The following C20orf96 variants were observed in gnomAD, a reference collection of about 807,000 sequenced individuals.
C20orf96 encodes uncharacterized protein C20orf96.
A neutral mutation model predicts 52.6 loss-of-function variants in C20orf96; 57 were observed. The ratio of observed to expected loss-of-function variants is 1.08; its 90% CI spans 0.88 to 1.35. The LOEUF (loss-of-function observed/expected upper bound fraction) is 1.35, where lower values mean the gene tolerates loss of function less well. Ranked by LOEUF, C20orf96 falls within the 40% of genes most tolerant of loss-of-function variation. The probability of loss-of-function intolerance (pLI) is 0.00; values close to 1 mark genes in which losing one functional copy is unlikely to be tolerated. For missense variants in C20orf96, 478 were observed against 443.6 expected, an observed-to-expected ratio of 1.08 and a Z score of -0.70; for synonymous variants, 168 against 157.2, an observed-to-expected ratio of 1.07 and a Z score of -0.51.
chr20:282,733 G>A (rs1241968011), intron 4 of C20orf96, among the ~76,000 whole-genome samples: 2 of 152,120 alleles, frequency 1.3e-5, no homozygotes, highest in African/African-American at 4.8e-5. Context: ...TTAGCTGGGC[G>A]TGGTGGTGGG....
Position 271,190 on chromosome 20 carries a change from G to A in C20orf96, c.*17C>T. On this transcript the variant is annotated 3_prime_UTR_variant, in exon 11 of 11. Coordinates refer to ENST00000360321, the MANE Select transcript of C20orf96 (RefSeq NM_153269.3). ...GGGAAGAGAGCAGGAGGGGAGGGCG[G>A]CCCATGGCACTGCCATCTAGAAGGG... The A allele has an allele frequency of 6.4e-7, 1 of 1,550,928 alleles. No homozygotes were observed. The highest frequency in any genetic ancestry group is 8.7e-7 in the Non-Finnish European group (1 of 1,145,990).
In C20orf96 at chr20:271,000, A is replaced by C; in HGVS notation, c.*207T>G. ...ACAGGAAGAAAGAAAGGAGGGAGGG[A>C]GGGAGAGGAGGAAGGAAGGAGGAGG... On this transcript the variant is annotated 3_prime_UTR_variant, in exon 11 of 11. Coordinates refer to ENST00000360321, the MANE Select transcript of C20orf96 (RefSeq NM_153269.3). 2.0e-6 allele frequency: 1 copy of C among 492,632 alleles called. No homozygotes were observed. The highest frequency in any genetic ancestry group is 2.4e-5 in the South Asian group (1 of 41,970). 30.5% of individuals were successfully genotyped at this position (492,632 alleles called of 1,614,324 possible).
Position 270,868 on chromosome 20 carries a change from T to G in C20orf96, c.*339A>C. 1 of 271,404 alleles carries G rather than the reference T, an allele frequency of 3.7e-6. No individual in the cohort carries two copies. The allele number at this position is 271,404 out of a possible 1,614,324, so 16.8% of individuals were successfully genotyped here. On this transcript the variant is annotated 3_prime_UTR_variant, in exon 11 of 11. Transcript: ENST00000360321. Reference sequence around the variant, plus strand: ...CCCGAGACACTGGCAAAAAAGCAAATGTAAATCCAGCTTTATTGGTAAAAA... The same window carrying G: ...CCCGAGACACTGGCAAAAAAGCAAAGGTAAATCCAGCTTTATTGGTAAAAA...
At chr20:274,905 C>T (rs1256041542) in intron 10 of C20orf96, among the ~76,000 whole-genome samples, 4 of 152,120 alleles carry the variant, frequency 2.6e-5, no homozygotes, top group Admixed American at 6.5e-5. Context: ...CCGCAACCTC[C>T]GCCTTCCAGG....
chr20:276,757 T>G (rs1244917426), intron 9 of C20orf96, 36 bp downstream of exon 9: 16 of 1,601,912 alleles, frequency 1.0e-5, no homozygotes, highest in Non-Finnish European at 1.4e-5. Context: ...ATCCACTGCT[T>G]CCCTACAGGG....
At chr20:278,048 C>T (rs1004776919) in intron 6 of C20orf96, among the ~76,000 whole-genome samples, 3 of 152,206 alleles carry the variant, frequency 2.0e-5, no homozygotes, top group Admixed American at 1.3e-4. Flanking sequence ...GTTTCCTCAT[C>T]TGTAAAATGG....
Position 279,304 on chromosome 20 carries a change from A to G in C20orf96, c.333T>C (p.Ala111=), listed in dbSNP as rs1346685085. Residue 111 remains alanine, a synonymous_variant, in exon 5 of 11, where the codon GCT becomes GCC. Transcript: ENST00000360321. ...TCTCACGGCTTCGGAGCTCTCGCAG[A>G]GCGGCCCTCCCGCTCCTGAGCGAGG... The part of the protein sequence containing the change: ...MKTSLRSGRA[A]LRELRSRENF... The G allele has an allele frequency of 1.9e-6, 3 of 1,607,172 alleles. No individual in the cohort carries two copies. The highest frequency in any genetic ancestry group is 2.5e-6 in the Non-Finnish European group (3 of 1,178,768).
intron 2 of C20orf96, 68 bp downstream of exon 2, chr20:290,191 G>T: frequency 8.1e-7 from 1 of 1,242,176 alleles, no homozygotes; most frequent in Non-Finnish European, 1.2e-6. Context: ...ACGACCGTGA[G>T]AGTGGAGAGC....
chr20:273,176 T>C (rs2056714564), intron 10 of C20orf96, among the ~76,000 whole-genome samples: 1 of 152,092 alleles, frequency 6.6e-6, no homozygotes, highest in South Asian at 2.1e-4. Flanking sequence ...GGTTTCACCA[T>C]GTTGCCCAAG....
intron 3 of C20orf96, among the ~76,000 whole-genome samples, chr20:287,296 C>A (rs75027502): frequency 6.6e-6 from 1 of 152,330 alleles, no homozygotes; most frequent in South Asian, 2.1e-4. Flanking sequence ...CAATTGCGCA[C>A]AATCTGACGT....
chr20:289,484 T>C (rs2012480115), intron 3 of C20orf96, 75 bp downstream of exon 3: 1 of 888,246 alleles, frequency 1.1e-6, no homozygotes, highest in Admixed American at 1.8e-5. Context: ...ATATAAGTGG[T>C]GTCACCAAGA....
chr20:271,984 G>A (rs1320186786), intron 10 of C20orf96, among the ~76,000 whole-genome samples: 1 of 151,960 alleles, frequency 6.6e-6, no homozygotes, highest in Non-Finnish European at 1.5e-5. Context: ...TCTCTTCCAA[G>A]GAGACCATCC....
chr20:272,726 T>C (rs2011881972), intron 10 of C20orf96, among the ~76,000 whole-genome samples: 1 of 152,172 alleles, frequency 6.6e-6, no homozygotes, highest in Non-Finnish European at 1.5e-5. Context: ...ATCTCTGCAT[T>C]TGACATCACC....
intron 5 of C20orf96, 79 bp downstream of exon 5, chr20:279,093 A>G: frequency 1.3e-6 from 1 of 767,484 alleles, no homozygotes; most frequent in Non-Finnish European, 1.6e-6. Context: ...GGAGGGCGGG[A>G]CGGAGGGACG....
chr20:272,976 CTCTTT>C (rs1393630990), intron 10 of C20orf96, among the ~76,000 whole-genome samples: 33 of 152,322 alleles, frequency 2.2e-4, no homozygotes, highest in African/African-American at 3.4e-4. Context: ...CATCCCCATG[CTCTTT>C]TCTTTTCTTT....
chr20:271,084 C>T lies in C20orf96; in HGVS notation c.*123G>A. 1 of 755,950 alleles carries T rather than the reference C, an allele frequency of 1.3e-6. No individual in the cohort carries two copies. The highest frequency in any genetic ancestry group is 1.8e-5 in the African/African-American group (1 of 55,868). 46.8% of individuals were successfully genotyped at this position (755,950 alleles called of 1,614,324 possible). A position where few individuals can be genotyped will look rare whatever the true frequency, so the allele number is the denominator to read the frequency against. ...GAGGGAAAGAAAGAGGGAGGAAGGG[C>T]AGAGGGAGCAGGGAGACTGTAGATC... is the stretch of plus-strand genomic sequence containing the variant. On this transcript the variant is annotated 3_prime_UTR_variant, in exon 11 of 11. Transcript: ENST00000360321.
Position 290,326 on chromosome 20 carries a change from G to C in C20orf96, c.21-19C>G. On this transcript the variant is annotated intron_variant, in intron 1 of 10. Transcript: ENST00000360321. Reference sequence around the variant, plus strand: ...CTTGGGTCTGGAAAGAGTTGGGAAGGGAAAGAACTTCCATTATCCCCAGCC... The same window carrying C: ...CTTGGGTCTGGAAAGAGTTGGGAAGCGAAAGAACTTCCATTATCCCCAGCC... The C allele has an allele frequency of 6.2e-7, 1 of 1,612,148 alleles. No homozygotes were observed. Among genetic ancestry groups the C allele is most frequent in the Middle Eastern group, 1.6e-4 (1 of 6,062 alleles).
intron 10 of C20orf96, among the ~76,000 whole-genome samples, chr20:275,762 G>T (rs2011996040): frequency 6.6e-6 from 1 of 152,178 alleles, no homozygotes. Context: ...GCTGTGTACA[G>T]ATGGGAATTG....
chr20:288,402 G>C (rs958152299), intron 3 of C20orf96, among the ~76,000 whole-genome samples: 1 of 152,118 alleles, frequency 6.6e-6, no homozygotes, highest in African/African-American at 2.4e-5. Flanking sequence ...AACTGGGATA[G>C]TGCTGGCAGG....
Sources: allele counts gnomAD v4.1 joint callset (sites outside exome capture counted in the v4.1 genomes callset), GRCh38; gene constraint gnomAD v4.1.1; transcripts MANE v1.5; gene names NCBI Gene and HGNC (gene_info 2026-07-23, HGNC 2026-07-21).